Variants in RNF2 observed in about 807,000 individuals in gnomAD.
The protein encoded by RNF2 is ring finger protein 2.
RNF2 carries 6 observed loss-of-function variants against 37.2 expected under a neutral mutation model. The ratio of observed to expected loss-of-function variants is 0.16; its 90% CI spans 0.09 to 0.32. The LOEUF is 0.32. RNF2 is among the 10% of genes least tolerant of loss of function. The probability of loss-of-function intolerance (pLI) is 1.00; values close to 1 mark genes in which losing one functional copy is unlikely to be tolerated. For missense variants in RNF2, 251 were observed against 404.0 expected, an observed-to-expected ratio of 0.62 and a Z score of 3.25; for synonymous variants, 133 against 132.7, an observed-to-expected ratio of 1.00 and a Z score of -0.02.
At chr1:185,077,625 G>GTTTTTTTTTTTTTTTTTTTTTTTTT (rs528747420) in intron 1 of RNF2, among the ~76,000 whole-genome samples, 2 of 115,696 alleles carry the variant, frequency 1.7e-5, no homozygotes, top group African/African-American at 6.6e-5. Context: ...AATTAACTTT[G>GTTTTTTTTTTTTTTTTTTTTTTTTT]TTTTTTTTTT....
At chr1:185,078,028 C>T (rs905753222) in intron 1 of RNF2, among the ~76,000 whole-genome samples, 1 of 152,168 alleles carries the variant, frequency 6.6e-6, no homozygotes, top group African/African-American at 2.4e-5. Context: ...AGCGGATCAC[C>T]TGAGGTTTGA....
At chr1:185,051,237 C>T (rs1256212496) in intron 1 of RNF2, among the ~76,000 whole-genome samples, 1 of 152,150 alleles carries the variant, frequency 6.6e-6, no homozygotes, top group African/African-American at 2.4e-5. Flanking sequence ...CAGTCTGGGA[C>T]GGCTGTCTTG....
chr1:185,071,907 C>T (rs928290041), intron 1 of RNF2: 4 of 152,460 alleles, frequency 2.6e-5, no homozygotes, highest in South Asian at 2.1e-4. Context: ...GTCACTTTCT[C>T]ATTATATTTT....
At chr1:185,087,513 C>A (rs1056751310) in intron 1 of RNF2, 39 bp from the exon 2 acceptor site, 11 of 1,567,402 alleles carry the variant, frequency 7.0e-6, no homozygotes, top group Non-Finnish European at 8.8e-7. Flanking sequence ...ACTTCCCTTC[C>A]AAATACTAAA....
At chr1:185,046,221 G>A (rs992373232) in intron 1 of RNF2, 2 of 152,286 alleles carry the variant, frequency 1.3e-5, no homozygotes, top group African/African-American at 4.8e-5. Flanking sequence ...GTTCCTCGGG[G>A]AGACCCCTTC....
intron 1 of RNF2, among the ~76,000 whole-genome samples, chr1:185,081,445 G>T (rs1651346628): frequency 6.6e-6 from 1 of 151,488 alleles, no homozygotes; most frequent in African/African-American, 2.4e-5. Context: ...CCAGGCTGGA[G>T]TACAGTGGTG....
At chr1:185,056,617 C>A (rs1650442911) in intron 1 of RNF2, among the ~76,000 whole-genome samples, 1 of 152,090 alleles carries the variant, frequency 6.6e-6, no homozygotes, top group African/African-American at 2.4e-5. Flanking sequence ...GTGATCCTCC[C>A]TCCTTGGCCT....
At position 185,062,476 on chromosome 1, in the gene RNF2, CAA is replaced by C. The variant is rs3835513; in HGVS notation, c.-3+16828_-3+16829del. Among the ~76,000 whole-genome samples, 112 of 151,982 alleles carry C rather than the reference CAA, an allele frequency of 7.4e-4. 2 individuals carry two copies. The East Asian group carries it at 0.02, about 27-fold the overall frequency. On this transcript the variant is annotated intron_variant, in intron 1 of 6. Transcript: ENST00000367510. ...TATCAGTGGAGAAGAGAGAACTAAA[CAA>C]TGATGTTGGGAAACTTGCCCATTAC...
chr1:185,045,758 G>C (rs1650094510), intron 1 of RNF2, 109 bp downstream of exon 1: 1 of 152,042 alleles, frequency 6.6e-6, no homozygotes, highest in East Asian at 1.9e-4. Context: ...TGTGGGGGGG[G>C]TGTGTGTCCG....
chr1:185,077,625 G>GTTTTTTTTTTTTTTTTT lies in RNF2; in HGVS notation c.-2-9914_-2-9913insTTTTTTTTTTTTTTTTT, dbSNP rs528747420. On this transcript the variant is annotated intron_variant, in intron 1 of 6. Coordinates refer to ENST00000367510, the MANE Select transcript of RNF2 (RefSeq NM_007212.4). ...TTTTTAATTGTTAGGAATTAACTTTGTTTTTTTTTTTTTGGCTAGAAATTT... is the reference window on the plus strand; with the variant it reads ...TTTTTAATTGTTAGGAATTAACTTTGTTTTTTTTTTTTTTTTTTTTTTTTTTTTTTGGCTAGAAATTT... Among the ~76,000 whole-genome samples the GTTTTTTTTTTTTTTTTT allele has an allele frequency of 8.6e-4, 99 of 115,640 alleles. 5 individuals carry two copies. The highest frequency in any genetic ancestry group is 3.1e-3 in the African/African-American group (93 of 30,458). 75.9% of individuals were successfully genotyped at this position (115,640 alleles called of 152,430 possible).
rs962927209 is a variant in RNF2, at chr1:185,100,344, A to G, written c.*43A>G. 6 of 1,271,120 alleles carry G rather than the reference A, an allele frequency of 4.7e-6. No individual in the cohort carries two copies. The highest frequency in any genetic ancestry group is 1.5e-5 in the African/African-American group (1 of 66,678). The allele number at this position is 1,271,120 out of a possible 1,614,324, so 78.7% of individuals were successfully genotyped here. ...CTGAGACTGAACTTTTTTATAGCCTATTTCTTTAATATTAAAGATGTACTG... is the reference window on the plus strand; with the variant it reads ...CTGAGACTGAACTTTTTTATAGCCTGTTTCTTTAATATTAAAGATGTACTG... On this transcript the variant is annotated 3_prime_UTR_variant, in exon 7 of 7. Coordinates refer to ENST00000367510, the MANE Select transcript of RNF2 (RefSeq NM_007212.4).
At chr1:185,094,572 T>TTC (rs918403438) in intron 4 of RNF2, among the ~76,000 whole-genome samples, 1 of 152,200 alleles carries the variant, frequency 6.6e-6, no homozygotes, top group Non-Finnish European at 1.5e-5. Context: ...TGTATTGAAG[T>TTC]AAGTTCCCAA....
Position 185,099,907 on chromosome 1 carries a change from C to A in RNF2, c.854C>A (p.Thr285Lys), listed in dbSNP as rs749585829. The A allele has an allele frequency of 1.1e-5, 18 of 1,613,900 alleles. No homozygotes were observed. Among genetic ancestry groups the A allele is most frequent in the Non-Finnish European group, 1.4e-5 (17 of 1,179,930 alleles). ...KGESNQMNLDTASEKQYTIYI... is the reference protein window; with the variant it reads ...KGESNQMNLDKASEKQYTIYI... ...GAATCAAACCAGATGAACCTTGATA[C>A]AGCCAGTGAGAAGCAGTATACCATT... The change falls in exon 6 of 7, where the codon ACA becomes AAA. Residue 285 changes from threonine (T) to lysine (K), a missense_variant. By Grantham distance (78) the Thr-to-Lys change is moderately conservative. Around this residue, in one of 7 missense-constraint regions of RNF2, gnomAD observed 59 missense variants for 69.1 expected, o/e 0.85. Coordinates refer to ENST00000367510, the MANE Select transcript of RNF2 (RefSeq NM_007212.4).
chr1:185,061,437 A>G (rs1262668114), intron 1 of RNF2, among the ~76,000 whole-genome samples: 2 of 152,112 alleles, frequency 1.3e-5, no homozygotes, highest in Non-Finnish European at 2.9e-5. Flanking sequence ...CCAAACAAAA[A>G]AAAACACACA....
At chr1:185,094,688 A>T (rs1300724708) in intron 4 of RNF2, among the ~76,000 whole-genome samples, 2 of 152,214 alleles carry the variant, frequency 1.3e-5, no homozygotes. Context: ...CTTTGCTCAG[A>T]GCCCTCTAAT....
intron 1 of RNF2, among the ~76,000 whole-genome samples, chr1:185,080,390 G>A (rs902177284): frequency 1.5e-4 from 23 of 152,156 alleles, no homozygotes; most frequent in African/African-American, 4.1e-4. Context: ...TTTGGGGCAG[G>A]GTGAATTTAG....
chr1:185,093,347 T>A (rs1471873985), intron 4 of RNF2, 71 bp downstream of exon 4: 8 of 1,407,302 alleles, frequency 5.7e-6, no homozygotes, highest in Non-Finnish European at 7.9e-6. Context: ...AATTTACTTT[T>A]TGAAAAAGGT....
At chr1:185,069,838 A>G (rs1650914937) in intron 1 of RNF2, among the ~76,000 whole-genome samples, 1 of 152,212 alleles carries the variant, frequency 6.6e-6, no homozygotes. Flanking sequence ...ATATTTAGCC[A>G]CATACAGATT....
At chr1:185,067,863 A>G (rs962800694) in intron 1 of RNF2, among the ~76,000 whole-genome samples, 6 of 151,300 alleles carry the variant, frequency 4.0e-5, no homozygotes, top group Admixed American at 1.3e-4. Context: ...GGCGCCTGCC[A>G]CCACGCCCAG....
Sources: gnomAD v4.1 joint callset for allele counts (sites outside exome capture counted in the v4.1 genomes callset) on GRCh38, gnomAD v4.1.1 for gene constraint, gnomAD v4.1.1 regional missense constraint, MANE v1.5 for transcripts, NCBI Gene and HGNC (gene_info 2026-07-23, HGNC 2026-07-21) for gene names.